Variants in SPTBN4 observed in about 807,000 individuals in gnomAD.
SPTBN4 encodes the protein spectrin beta chain, non-erythrocytic 4.
Under a neutral mutation model 277.8 loss-of-function variants are expected in SPTBN4, and 96 were observed. That is an observed-to-expected ratio of 0.35 (90% confidence interval 0.29 to 0.41). The LOEUF is 0.41. SPTBN4 is among the 10% of genes least tolerant of loss of function. SPTBN4 has a pLI of 1.00. For synonymous variants in SPTBN4, 1,481 were observed against 1,580.3 expected, an observed-to-expected ratio of 0.94 and a Z score of 1.49; for missense variants, 3,006 against 3,595.7, an observed-to-expected ratio of 0.84 and a Z score of 4.19.
intron 2 of SPTBN4, among the ~76,000 whole-genome samples, chr19:40,474,711 C>T (rs1345267650): frequency 6.6e-6 from 1 of 151,868 alleles, no homozygotes; most frequent in East Asian, 1.9e-4. Flanking sequence ...ACCAGCCTGA[C>T]CAATATGGTG....
Position 40,565,707 on chromosome 19 carries a change from C to G in SPTBN4, c.6101C>G (p.Ser2034Trp), listed in dbSNP as rs759396925. The G allele has an allele frequency of 6.4e-7, 1 of 1,553,974 alleles. No individual in the cohort carries two copies. The highest frequency in any genetic ancestry group is 8.7e-7 in the Non-Finnish European group (1 of 1,148,382). The change falls in exon 29 of 36, where the codon TCG becomes TGG. Residue 2034 changes from serine (S) to tryptophan (W), a missense_variant. Ser to Trp is a radical substitution (Grantham distance 177). Around this residue, in one of 5 missense-constraint regions of SPTBN4, gnomAD observed 425 missense variants for 594.7 expected, o/e 0.71. Coordinates refer to ENST00000598249, the MANE Select transcript of SPTBN4 (RefSeq NM_020971.3). Reference protein sequence around the residue: ...DKLGTRKEEVSEKWDRHWEWL... With the variant: ...DKLGTRKEEVWEKWDRHWEWL... ...CTGGGAACCAGGAAGGAGGAGGTGT[C>G]GGAAAAGTGGGACCGCCATTGGGAG...
At position 40,498,487 on chromosome 19, in the gene SPTBN4, G is replaced by A. The variant is rs1367668454; in HGVS notation, c.784+883G>A. The stretch of plus-strand genomic sequence containing the variant: ...GTGGCATGATCTCGGCTCACTGCAA[G>A]CTCCACCTCCTGGGTTCACACCATT... On this transcript the variant is annotated intron_variant, in intron 7 of 35. Coordinates refer to ENST00000598249, the MANE Select transcript of SPTBN4 (RefSeq NM_020971.3). Among the ~76,000 whole-genome samples the A allele has an allele frequency of 4.2e-5, 6 of 141,244 alleles. No homozygotes were observed. In the East Asian group the frequency reaches 8.5e-4, roughly 20 times the overall value. The allele number at this position is 141,244 out of a possible 152,430, so 92.7% of individuals were successfully genotyped here. A position where few individuals can be genotyped will look rare whatever the true frequency, so the allele number is the denominator to read the frequency against.
chr19:40,545,895 T>C (rs925956429), intron 20 of SPTBN4, among the ~76,000 whole-genome samples: 2 of 151,846 alleles, frequency 1.3e-5, no homozygotes, highest in South Asian at 2.1e-4. Flanking sequence ...CAAAAAAAAT[T>C]AGTCAGGCGT....
rs1599804597 is a variant in SPTBN4 at position 40,556,359 on chromosome 19, T to A, written c.5289+71T>A. 5.8e-6 allele frequency: 8 copies of A among 1,373,458 alleles called. No homozygotes were observed. In the African/African-American group the frequency reaches 8.6e-5, roughly 15 times the overall value. 85.1% of individuals were successfully genotyped at this position (1,373,458 alleles called of 1,614,324 possible). The stretch of plus-strand genomic sequence containing the variant: ...TTCTCTGGGCCTTAGTTTCCTCATC[T>A]GTAGTATGAGGATAATAACAGCACC... On this transcript the variant is annotated intron_variant, in intron 25 of 35. Transcript: ENST00000598249.
intron 17 of SPTBN4, among the ~76,000 whole-genome samples, chr19:40,523,873 G>A (rs566414135): frequency 2.4e-4 from 37 of 152,130 alleles, no homozygotes; most frequent in African/African-American, 6.3e-4. Flanking sequence ...GCACGATCTC[G>A]GCTCACTGCA....
At chr19:40,520,256 C>T in intron 16 of SPTBN4, 105 bp downstream of exon 16, 2 of 1,253,060 alleles carry the variant, frequency 1.6e-6, no homozygotes, top group South Asian at 2.3e-5. Context: ...TTCCTGGGAC[C>T]ACTGGGTTCT....
At chr19:40,570,011 G>C (rs56399104) in intron 32 of SPTBN4, among the ~76,000 whole-genome samples, 32 of 113,148 alleles carry the variant, frequency 2.8e-4, no homozygotes, top group Non-Finnish European at 3.7e-4. Context: ...CAGACACACA[G>C]ACACAGATAC....
intron 17 of SPTBN4, chr19:40,524,605 T>A (rs944040695): frequency 2.2e-6 from 1 of 456,550 alleles, no homozygotes; most frequent in Non-Finnish European, 4.4e-6. Flanking sequence ...CCTCCCCAGA[T>A]CCAGCAGCTA....
At chr19:40,474,376 CT>C (rs1320879044) in intron 2 of SPTBN4, among the ~76,000 whole-genome samples, 1 of 151,352 alleles carries the variant, frequency 6.6e-6, no homozygotes, top group Non-Finnish European at 1.5e-5. Context: ...AACCTTCCTG[CT>C]TTTACCACCG....
chr19:40,532,962 G>T (rs1029847122), intron 19 of SPTBN4, among the ~76,000 whole-genome samples, 191 bp downstream of exon 19: 1 of 152,180 alleles, frequency 6.6e-6, no homozygotes, highest in African/African-American at 2.4e-5. Flanking sequence ...GCCTCAATTT[G>T]CTCATCTGTA....
chr19:40,523,776 T>A, intron 17 of SPTBN4, 137 bp downstream of exon 17: 2 of 825,944 alleles, frequency 2.4e-6, no homozygotes, highest in Non-Finnish European at 1.8e-6. Flanking sequence ...TATTTCTATT[T>A]AATTCCATGT....
At chr19:40,484,508 G>A (rs1418900879) in intron 2 of SPTBN4, among the ~76,000 whole-genome samples, 1 of 152,206 alleles carries the variant, frequency 6.6e-6, no homozygotes, top group Non-Finnish European at 1.5e-5. Flanking sequence ...TTAGCTCAGA[G>A]AGGTCAGTGT....
intron 2 of SPTBN4, among the ~76,000 whole-genome samples, chr19:40,484,211 C>G (rs1213596444): frequency 1.3e-5 from 2 of 152,084 alleles, no homozygotes; most frequent in Non-Finnish European, 2.9e-5. Context: ...CACCCCTTCC[C>G]TTAACCCCAC....
At chr19:40,566,677 G>T (rs563326734) in intron 30 of SPTBN4, among the ~76,000 whole-genome samples, 1 of 152,234 alleles carries the variant, frequency 6.6e-6, no homozygotes, top group Admixed American at 6.5e-5. Flanking sequence ...GTAATAAAAA[G>T]GATTAGGCCA....
intron 16 of SPTBN4, 22 bp from the exon 17 acceptor site, chr19:40,523,415 C>CA: frequency 6.4e-7 from 1 of 1,571,284 alleles, no homozygotes. Flanking sequence ...CTGACCTTTG[C>CA]ACCACGCTCC....
At chr19:40,528,923 C>A in intron 17 of SPTBN4, 118 bp from the exon 18 acceptor site, 1 of 726,252 alleles carries the variant, frequency 1.4e-6, no homozygotes, top group East Asian at 2.6e-5. Flanking sequence ...CTCCCTCTCT[C>A]TTACATATTT....
chr19:40,473,380 G>A lies in SPTBN4; in HGVS notation c.169+590G>A, dbSNP rs375359468. On this transcript the variant is annotated intron_variant, in intron 2 of 35. Coordinates refer to ENST00000598249, the MANE Select transcript of SPTBN4 (RefSeq NM_020971.3). ...TTTTTTTTTTTTTTTTTTTTGAGACGGAGTTTCGCTCTTGTTGCCCAGGCT... is the reference window on the plus strand; with the variant it reads ...TTTTTTTTTTTTTTTTTTTTGAGACAGAGTTTCGCTCTTGTTGCCCAGGCT... Among the ~76,000 whole-genome samples the A allele has an allele frequency of 8.8e-4, 75 of 85,540 alleles. 1 individual carries two copies. The highest frequency in any genetic ancestry group is 2.4e-3 in the African/African-American group (55 of 22,956). 56.1% of individuals were successfully genotyped at this position (85,540 alleles called of 152,430 possible).
At chr19:40,477,474 G>T (rs2079962170) in intron 2 of SPTBN4, among the ~76,000 whole-genome samples, 1 of 152,284 alleles carries the variant, frequency 6.6e-6, no homozygotes, top group Non-Finnish European at 1.5e-5. Flanking sequence ...CAGTGAGAGA[G>T]AGAGATCCGG....
chr19:40,510,311 GT>G (rs1293142708), intron 13 of SPTBN4, among the ~76,000 whole-genome samples: 3 of 151,670 alleles, frequency 2.0e-5, no homozygotes, highest in African/African-American at 7.3e-5. Context: ...TGTTGTTGTT[GT>G]TTTGTTTTCT....
Sources: gnomAD v4.1 joint callset for allele counts (sites outside exome capture counted in the v4.1 genomes callset) on GRCh38, gnomAD v4.1.1 for gene constraint, gnomAD v4.1.1 regional missense constraint, MANE v1.5 for transcripts, NCBI Gene and HGNC (gene_info 2026-07-23, HGNC 2026-07-21) for gene names.